Variants in TRAPPC9 observed in about 807,000 individuals in gnomAD.
TRAPPC9 encodes IKK2 binding protein.
Under a neutral mutation model 124.0 loss-of-function variants are expected in TRAPPC9, and 83 were observed. The observed-to-expected ratio is 0.67, with a 90% CI of 0.56 to 0.80. The LOEUF (loss-of-function observed/expected upper bound fraction) is 0.80. TRAPPC9 is among the 30% of genes least tolerant of loss of function. The probability of loss-of-function intolerance (pLI) is 0.00; values close to 1 mark genes in which losing one functional copy is unlikely to be tolerated. For synonymous variants in TRAPPC9, 638 were observed against 617.5 expected (o/e 1.03, Z -0.49); for missense variants, 1,302 against 1,508.3 (o/e 0.86, Z 2.27).
chr8:139,991,954 C>T (rs965603038), intron 18 of TRAPPC9, among the ~76,000 whole-genome samples: 1 of 152,054 alleles, frequency 6.6e-6, no homozygotes, highest in African/African-American at 2.4e-5. Context: ...GAATGAGAAA[C>T]ACAAGATCCC....
At chr8:140,358,469 A>G (rs999274155) in intron 9 of TRAPPC9, among the ~76,000 whole-genome samples, 1 of 152,178 alleles carries the variant, frequency 6.6e-6, no homozygotes, top group Non-Finnish European at 1.5e-5. Flanking sequence ...GGCCTCCCAA[A>G]GAGATCGGAT....
At chr8:140,221,275 A>G (rs2063332524) in intron 17 of TRAPPC9, among the ~76,000 whole-genome samples, 184 bp downstream of exon 17, 1 of 152,242 alleles carries the variant, frequency 6.6e-6, no homozygotes, top group South Asian at 2.1e-4. Flanking sequence ...ACACCAAACA[A>G]TGCACTCAAG....
intron 19 of TRAPPC9, among the ~76,000 whole-genome samples, chr8:139,957,488 C>A (rs1301159859): frequency 1.3e-5 from 2 of 152,206 alleles, no homozygotes; most frequent in Non-Finnish European, 2.9e-5. Context: ...CTCTGGGGAC[C>A]TAGGTAGGGC....
intron 17 of TRAPPC9, among the ~76,000 whole-genome samples, chr8:140,147,983 C>T (rs576357149): frequency 3.3e-5 from 5 of 152,220 alleles, no homozygotes; most frequent in Admixed American, 2.6e-4. Flanking sequence ...TTCTCCTGCT[C>T]GAGAAACACT....
chr8:139,963,749 CAAAAAAAAAA>C (rs58224556), intron 19 of TRAPPC9, among the ~76,000 whole-genome samples: 9 of 107,354 alleles, frequency 8.4e-5, no homozygotes, highest in African/African-American at 2.4e-4. Context: ...CCAGTTCTAC[CAAAAAAAAAA>C]AAAAAAAAAA....
intron 17 of TRAPPC9, among the ~76,000 whole-genome samples, chr8:140,127,091 G>T (rs1312186600): frequency 6.6e-6 from 1 of 152,194 alleles, no homozygotes; most frequent in Non-Finnish European, 1.5e-5. Flanking sequence ...CCAAGAGACA[G>T]AAACCCTCCT....
intron 9 of TRAPPC9, among the ~76,000 whole-genome samples, chr8:140,341,284 C>G (rs558560211): frequency 1.1e-4 from 16 of 152,290 alleles, no homozygotes; most frequent in African/African-American, 3.6e-4. Flanking sequence ...ACGGGACCTA[C>G]ATTCAAGTTA....
chr8:140,279,026 T>C lies in TRAPPC9; in HGVS notation c.2115-3205A>G, dbSNP rs143537300. ...TCTCCTGCGCCATGGTCTGTATTTA[T>C]TGGGTTGGTTGACTTGTTGTTCCCT... On this transcript the variant is annotated intron_variant, in intron 14 of 22. Coordinates refer to ENST00000438773, the MANE Select transcript of TRAPPC9 (RefSeq NM_001160372.4). Among the ~76,000 whole-genome samples the C allele has an allele frequency of 4.1e-3, 626 of 152,350 alleles. 4 individuals carry two copies. Among genetic ancestry groups the C allele is most frequent in the African/African-American group, 0.014 (563 of 41,586 alleles).
At chr8:139,747,911 A>T (rs868239148) in intron 21 of TRAPPC9, among the ~76,000 whole-genome samples, 1 of 52,566 alleles carries the variant, frequency 1.9e-5, no homozygotes, top group Non-Finnish European at 3.2e-5. Flanking sequence ...TAGGGGGGGC[A>T]TACAGGGGTC....
At chr8:139,956,889 A>C (rs1835024318) in intron 19 of TRAPPC9, among the ~76,000 whole-genome samples, 1 of 152,200 alleles carries the variant, frequency 6.6e-6, no homozygotes, top group Non-Finnish European at 1.5e-5. Context: ...ACTCTCTCTC[A>C]GTTAACCCAC....
At chr8:140,184,568 T>C (rs1352866941) in intron 17 of TRAPPC9, among the ~76,000 whole-genome samples, 2 of 152,176 alleles carry the variant, frequency 1.3e-5, no homozygotes, top group Non-Finnish European at 2.9e-5. Context: ...CCCGAACAGC[T>C]GGGATTACAG....
intron 9 of TRAPPC9, among the ~76,000 whole-genome samples, chr8:140,338,794 A>C (rs374768584): frequency 1.8e-3 from 113 of 63,058 alleles, no homozygotes; most frequent in East Asian, 5.1e-3. Context: ...GAGAAAACCA[A>C]CGCCACCAGA....
At chr8:140,290,301 C>T (rs528881151) in intron 12 of TRAPPC9, among the ~76,000 whole-genome samples, 1 of 152,182 alleles carries the variant, frequency 6.6e-6, no homozygotes, top group Admixed American at 6.5e-5. Flanking sequence ...CCCTCCTTTG[C>T]GTGCTGCTGA....
chr8:140,211,802 G>A (rs994375379), intron 17 of TRAPPC9, among the ~76,000 whole-genome samples: 2 of 152,152 alleles, frequency 1.3e-5, no homozygotes, highest in African/African-American at 4.8e-5. Context: ...TCACTGTCTG[G>A]AATATCCGGG....
intron 21 of TRAPPC9, among the ~76,000 whole-genome samples, chr8:139,858,629 T>C (rs897861888): frequency 1.3e-5 from 2 of 152,114 alleles, no homozygotes; most frequent in African/African-American, 2.4e-5. Context: ...AGATCAGTGC[T>C]AGAGGGGACA....
At position 140,353,315 on chromosome 8, in the gene TRAPPC9, G is replaced by A. The variant is rs2067641988; in HGVS notation, c.1495+6735C>T. 6.6e-6 allele frequency among the ~76,000 whole-genome samples: 1 copy of A among 151,374 alleles called. No individual in the cohort carries two copies. The highest frequency in any genetic ancestry group is 2.4e-5 in the African/African-American group (1 of 41,148). On this transcript the variant is annotated intron_variant, in intron 9 of 22. Transcript: ENST00000438773. This position sits in a 1 kb window ranked among gnomAD's most constrained non-coding sequence, Gnocchi z 4.2. The stretch of plus-strand genomic sequence containing the variant: ...TCACTGGCCCCCTCCCATCTCATGG[G>A]ACCCCCCCCTTTCGTCACTCCTCAG...
At chr8:139,812,189 A>G (rs1416990369) in intron 21 of TRAPPC9, among the ~76,000 whole-genome samples, 3 of 152,244 alleles carry the variant, frequency 2.0e-5, no homozygotes, top group Non-Finnish European at 2.9e-5. Flanking sequence ...AGAAAAATAA[A>G]CACTGCAGAA....
At chr8:140,349,390 G>A (rs1378450765) in intron 9 of TRAPPC9, among the ~76,000 whole-genome samples, 1 of 122,566 alleles carries the variant, frequency 8.2e-6, no homozygotes, top group African/African-American at 2.9e-5. Context: ...ACACAGCGGG[G>A]CCGATGGGGG....
Position 139,788,072 on chromosome 8 carries a change from A to G in TRAPPC9, c.3056-55870T>C, listed in dbSNP as rs564410089. 5.3e-5 allele frequency among the ~76,000 whole-genome samples: 8 copies of G among 152,316 alleles called. No individual in the cohort carries two copies. The highest frequency in any genetic ancestry group is 1.9e-4 in the African/African-American group (8 of 41,568). On this transcript the variant is annotated intron_variant, in intron 21 of 22. Coordinates refer to ENST00000438773, the MANE Select transcript of TRAPPC9 (RefSeq NM_001160372.4). This position sits in a 1 kb window ranked among gnomAD's most constrained non-coding sequence, Gnocchi z 4.9. ...CATGGACTCAGAACTAGGAACCCGA[A>G]TTCCAACCAGGCTTCAGCCCAGAAG...
Sources: allele counts gnomAD v4.1 joint callset (sites outside exome capture counted in the v4.1 genomes callset), GRCh38; gene constraint gnomAD v4.1.1; non-coding constraint Gnocchi (gnomAD v3.1); transcripts MANE v1.5; gene names NCBI Gene and HGNC (gene_info 2026-07-23, HGNC 2026-07-21).